The following ZNF117 variants were observed in gnomAD, a reference collection of about 807,000 sequenced individuals.
ZNF117 encodes zinc finger protein 117, also known as Krueppel-related zinc finger protein.
A neutral mutation model predicts 41.2 loss-of-function variants in ZNF117; 37 were observed. That is an observed-to-expected ratio of 0.90 (90% CI 0.69 to 1.18). The LOEUF (loss-of-function observed/expected upper bound fraction) is 1.18, where lower values mean the gene tolerates loss of function less well. Ranked by LOEUF, ZNF117 falls within the 50% of genes most tolerant of loss-of-function variation. The pLI is 0.00. For missense variants in ZNF117, 546 were observed against 557.5 expected (o/e 0.98, Z 0.21); for synonymous variants, 186 against 186.6 (o/e 1.00, Z 0.02).
At chr7:64,980,490 CA>C (rs1786001847) in intron 2 of ZNF117, 1 of 150,658 alleles carries the variant, frequency 6.6e-6, no homozygotes, top group African/African-American at 2.4e-5. Context: ...TTAAAAATAT[CA>C]AAAAACAGAT....
chr7:64,978,045 G>T, exon 3 of ZNF117: 1 of 1,484,530 alleles, frequency 6.7e-7, no homozygotes, highest in South Asian at 1.2e-5. Context: ...ATGGTTAGAA[G>T]TTTTGCCACA....
chr7:64,981,572 A>G, intron 1 of ZNF117, 90 bp from the exon 3 acceptor site: 2 of 1,090,060 alleles, frequency 1.8e-6, no homozygotes, highest in Non-Finnish European at 2.6e-6. Flanking sequence ...ATGCAATAGA[A>G]TATTCTAGTA....
exon 3 of ZNF117, chr7:64,979,310 T>C: frequency 6.3e-7 from 1 of 1,591,432 alleles, no homozygotes; most frequent in Non-Finnish European, 8.5e-7. Flanking sequence ...GGAAAACTTC[T>C]ACATATTTAT....
upstream of ZNF117, among the ~76,000 whole-genome samples, chr7:64,986,773 T>A (rs1286638408): frequency 6.6e-6 from 1 of 152,210 alleles, no homozygotes; most frequent in Non-Finnish European, 1.5e-5. Flanking sequence ...TCTGAAGATT[T>A]CATTTCCTTT....
upstream of ZNF117, among the ~76,000 whole-genome samples, chr7:64,985,566 G>A: frequency 6.6e-6 from 1 of 152,096 alleles, no homozygotes; most frequent in East Asian, 1.9e-4. Context: ...GTCAAAAACA[G>A]TGACAAAAGG....
chr7:64,979,504 G>T, exon 3 of ZNF117: 4 of 1,529,692 alleles, frequency 2.6e-6, no homozygotes, highest in Non-Finnish European at 3.5e-6. Flanking sequence ...TTCTGCTCTG[G>T]CCAAAGGTGT....
At chr7:64,987,788 T>C (rs1786165401) in intron 1 of ZNF117, among the ~76,000 whole-genome samples, 1 of 147,312 alleles carries the variant, frequency 6.8e-6, no homozygotes, top group Non-Finnish European at 1.5e-5. Flanking sequence ...GTTTGAGACC[T>C]GCCTGGGCAA....
chr7:64,985,606 TCAAACAA>T (rs1786117171), upstream of ZNF117, among the ~76,000 whole-genome samples: 3 of 152,122 alleles, frequency 2.0e-5, no homozygotes, highest in Admixed American at 2.0e-4. Flanking sequence ...TACATATCTT[TCAAACAA>T]CAGAGAAAAA....
exon 3 of ZNF117, chr7:64,978,314 A>G (rs1250786354): frequency 6.2e-7 from 1 of 1,607,846 alleles, no homozygotes; most frequent in South Asian, 1.1e-5. Flanking sequence ...CACATTCTTC[A>G]CATTTGTAGA....
chr7:64,975,078 A>G (rs898309451), exon 3 of ZNF117: 16 of 151,994 alleles, frequency 1.1e-4, no homozygotes, highest in Non-Finnish European at 4.4e-5. Context: ...CTGGCAAGAG[A>G]AATTATTAGA....
exon 3 of ZNF117, chr7:64,975,523 CA>C (rs1186024235): frequency 2.0e-5 from 3 of 151,874 alleles, no homozygotes; most frequent in African/African-American, 7.2e-5. Context: ...GCCCACCTAA[CA>C]AAAAAGAATG....
At chr7:64,981,957 A>G in intron 1 of ZNF117, 27 bp downstream of exon 2, 1 of 546,040 alleles carries the variant, frequency 1.8e-6, no homozygotes, top group South Asian at 2.6e-5. Flanking sequence ...CCTTTAGGGT[A>G]TATTAGAAAA....
At chr7:64,985,677 C>T (rs936808881), upstream of ZNF117, among the ~76,000 whole-genome samples, 1 of 151,932 alleles carries the variant, frequency 6.6e-6, no homozygotes. Flanking sequence ...AAATATACTC[C>T]TGGCAGGGTG....
At chr7:64,989,486 T>TATAC (rs1554299900) in intron 1 of ZNF117, among the ~76,000 whole-genome samples, 31 of 74,622 alleles carry the variant, frequency 4.2e-4, no homozygotes, top group Non-Finnish European at 7.2e-4. Context: ...TATATATATA[T>TATAC]ATATATATAT....
chr7:64,982,081 G>C, exon 1 of ZNF117: 1 of 968,442 alleles, frequency 1.0e-6, no homozygotes, highest in Admixed American at 1.8e-5. Flanking sequence ...CCTCCAAAGA[G>C]AATTCTATGG....
upstream of ZNF117, among the ~76,000 whole-genome samples, chr7:64,984,869 C>A (rs1394346448): frequency 6.6e-6 from 1 of 152,200 alleles, no homozygotes; most frequent in African/African-American, 2.4e-5. Flanking sequence ...CAGCCCACTG[C>A]AACCTCTGCC....
chr7:64,976,842 T>C (rs1004842023), exon 3 of ZNF117: 3 of 424,316 alleles, frequency 7.1e-6, no homozygotes, highest in Admixed American at 6.0e-5. Flanking sequence ...AATTTTCTTA[T>C]GTTTAGTAAA....
At chr7:64,976,940 T>G (rs1199011035) in exon 3 of ZNF117, 1 of 529,574 alleles carries the variant, frequency 1.9e-6, no homozygotes, top group Admixed American at 2.0e-5. Context: ...GAGTAAGGGT[T>G]GATGATAGGT....
chr7:64,981,047 G>GT (rs899128636), intron 2 of ZNF117: 6 of 251,620 alleles, frequency 2.4e-5, no homozygotes, highest in African/African-American at 1.4e-4. Context: ...TTAAAAAACT[G>GT]TTTAACATAG....
Sources: gnomAD v4.1 joint callset for allele counts (sites outside exome capture counted in the v4.1 genomes callset) on GRCh38, gnomAD v4.1.1 for gene constraint, MANE v1.5 for transcripts, NCBI Gene and HGNC (gene_info 2026-07-23, HGNC 2026-07-21) for gene names.